The following HUWE1 variants were observed in gnomAD, a reference collection of about 807,000 sequenced individuals.
HUWE1 encodes the protein HECT, UBA and WWE domain containing E3 ubiquitin protein ligase 1.
In HUWE1, 18 loss-of-function variants were observed where a neutral mutation model predicts 299.4. That is an observed-to-expected ratio of 0.06 (90% CI 0.04 to 0.09). The LOEUF is 0.09. Among genes scored for constraint, HUWE1 ranks in the 10% least tolerant of loss-of-function variants. The probability of loss-of-function intolerance (pLI) is 1.00; values close to 1 mark genes in which losing one functional copy is unlikely to be tolerated. For synonymous variants in HUWE1, 1,317 were observed against 1,286.1 expected (o/e 1.02, Z -0.51); for missense variants, 1,832 against 3,462.3 (o/e 0.53, Z 11.82).
chrX:53,591,518 G>A (rs1556978995), intron 33 of HUWE1, among the ~76,000 whole-genome samples: 1 of 111,947 alleles, frequency 8.9e-6, no homozygotes, highest in African/African-American at 3.3e-5. Context: ...CTACTACCAG[G>A]CAATAATCAT....
chrX:53,566,129 G>A (rs868973033), intron 49 of HUWE1, among the ~76,000 whole-genome samples: 41 of 38,679 alleles, frequency 1.1e-3, no homozygotes, highest in African/African-American at 3.9e-3. Context: ...GTGTGTGTGT[G>A]TGTGTATATA....
chrX:53,680,258 C>CCATTCTATTATGTTCAAA (rs1485840066), intron 2 of HUWE1, 72 bp from the exon 3 acceptor site: 59 of 290,235 alleles, frequency 2.0e-4, no homozygotes, highest in Middle Eastern at 1.8e-3. Flanking sequence ...GGAGGGTTAA[C>CCATTCTATTATGTTCAAA]CATTCTATTA....
In HUWE1 at chrX:53,614,749, A is replaced by G; in HGVS notation, c.2050-4T>C. On this transcript the variant is annotated splice_polypyrimidine_tract_variant and splice_region_variant and intron_variant, in intron 22 of 83. Coordinates refer to ENST00000262854, the MANE Select transcript of HUWE1 (RefSeq NM_031407.7). ...GATTACAGATTTCTTCAAGTAACTG[A>G]AAGGCACAGGAAATAAGATTACTTA... 6.1e-6 allele frequency: 7 copies of G among 1,144,903 alleles called. No individual in the cohort carries two copies. The South Asian group carries it at 9.0e-5, about 15-fold the overall frequency. 94.4% of individuals were successfully genotyped at this position (1,144,903 alleles called of 1,213,427 possible). A position where few individuals can be genotyped will look rare whatever the true frequency, so the allele number is the denominator to read the frequency against.
chrX:53,546,989 T>C (rs1009643585), intron 68 of HUWE1, among the ~76,000 whole-genome samples, 164 bp from the exon 69 acceptor site: 2 of 112,154 alleles, frequency 1.8e-5, no homozygotes, highest in Admixed American at 1.9e-4. Flanking sequence ...CTTGGGATGA[T>C]AAAGGCTTTT....
At chrX:53,557,493 T>G (rs1277042793) in intron 59 of HUWE1, 66 bp from the exon 60 acceptor site, 9 of 884,313 alleles carry the variant, frequency 1.0e-5, no homozygotes, top group Non-Finnish European at 1.5e-5. Flanking sequence ...TCAACTGTAA[T>G]AGTCACCATC....
intron 29 of HUWE1, among the ~76,000 whole-genome samples, chrX:53,596,120 C>T (rs2064449699): frequency 9.0e-6 from 1 of 111,591 alleles, no homozygotes; most frequent in Admixed American, 9.5e-5. Flanking sequence ...TAAAAATAAA[C>T]GTTATTTCAC....
intron 2 of HUWE1, among the ~76,000 whole-genome samples, chrX:53,685,472 C>A (rs2070398359): frequency 8.9e-6 from 1 of 112,092 alleles, no homozygotes; most frequent in Non-Finnish European, 1.9e-5. Context: ...CTATTGCGAA[C>A]AGGTTTTTTA....
chrX:53,568,136 C>A (rs1327336841), intron 49 of HUWE1, among the ~76,000 whole-genome samples: 1 of 111,811 alleles, frequency 8.9e-6, no homozygotes. Context: ...AGATGTAATA[C>A]AAGTCCTTAA....
At chrX:53,590,566 G>T in intron 34 of HUWE1, 67 bp from the exon 35 acceptor site, 1 of 776,531 alleles carries the variant, frequency 1.3e-6, no homozygotes. Context: ...CAAGACCACT[G>T]CAACTCACAG....
intron 49 of HUWE1, among the ~76,000 whole-genome samples, chrX:53,566,137 A>G (rs12393436): frequency 0.05 from 2,363 of 46,847 alleles, 48 homozygotes; most frequent in Non-Finnish European, 0.081. Context: ...GTGTGTGTAT[A>G]TATATATATA....
In HUWE1 at chrX:53,554,887, G is replaced by A. The variant is rs1556932903; in HGVS notation, c.8240C>T (p.Thr2747Ile). 5 of 1,191,588 alleles carry A rather than the reference G, an allele frequency of 4.2e-6. No homozygotes were observed. Among genetic ancestry groups the A allele is most frequent in the Non-Finnish European group, 5.7e-6 (5 of 883,500 alleles). The change falls in exon 61 of 84, where the codon ACC becomes ATC. Residue 2747 changes from threonine (T) to isoleucine (I), a missense_variant. Around this residue, in one of 15 missense-constraint regions of HUWE1, gnomAD observed 143 missense variants for 148.1 expected, o/e 0.97. Coordinates refer to ENST00000262854, the MANE Select transcript of HUWE1 (RefSeq NM_031407.7). ...TGTAGCTGCATCAGTTGAAGATGGG[G>A]TTGTTGGGTAGCTGTCAGGCATAGG... The part of the protein sequence containing the change: ...GTPMPDSYPT[T>I]PSSTDAATSE...
At chrX:53,643,906 C>T (rs1346207264) in intron 7 of HUWE1, among the ~76,000 whole-genome samples, 1 of 111,659 alleles carries the variant, frequency 9.0e-6, no homozygotes, top group African/African-American at 3.3e-5. Context: ...TCATTGCAGC[C>T]TTCACCTCCC....
In HUWE1 at chrX:53,557,412, A is replaced by G; in HGVS notation, c.8176T>C (p.Ser2726Pro). 1 of 1,209,078 alleles carries G rather than the reference A, an allele frequency of 8.3e-7. No homozygotes were observed. Among genetic ancestry groups the G allele is most frequent in the Non-Finnish European group, 1.1e-6 (1 of 892,999 alleles). The change falls in exon 60 of 84, where the codon TCA becomes CCA. Residue 2726 changes from serine (S) to proline (P), a missense_variant. Around this residue, in one of 15 missense-constraint regions of HUWE1, gnomAD observed 143 missense variants for 148.1 expected, o/e 0.97. Coordinates refer to ENST00000262854, the MANE Select transcript of HUWE1 (RefSeq NM_031407.7). ...AGATTCTGTTCAGTGGAGTCATTTGACTTAGATGCAGTACACTGCAAAAAG... is the reference window on the plus strand; with the variant it reads ...AGATTCTGTTCAGTGGAGTCATTTGGCTTAGATGCAGTACACTGCAAAAAG... ...DQSAQCTASK[S>P]NDSTEQNLSD...
rs781880252 is a variant in HUWE1 at position 53,615,845 on chromosome X, A to G, written c.1958-10T>C. On this transcript the variant is annotated splice_polypyrimidine_tract_variant and intron_variant, in intron 21 of 83. Coordinates refer to ENST00000262854, the MANE Select transcript of HUWE1 (RefSeq NM_031407.7). ...TTGGATGCAGTATCCCCTTAAGGCA[A>G]AAAATGAACTGTTAGAATTAGAAAG... is the stretch of plus-strand genomic sequence containing the variant. The G allele has an allele frequency of 2.6e-6, 3 of 1,146,969 alleles. No homozygotes were observed. In the Admixed American group the frequency reaches 6.6e-5, roughly 25 times the overall value. 94.5% of individuals were successfully genotyped at this position (1,146,969 alleles called of 1,213,427 possible).
At chrX:53,558,839 G>A in intron 58 of HUWE1, 30 bp from the exon 59 acceptor site, 4 of 1,208,371 alleles carry the variant, frequency 3.3e-6, no homozygotes, top group Non-Finnish European at 4.5e-6. Flanking sequence ...ATCAAAGGCT[G>A]CTCTGGTGGG....
chrX:53,597,212 A>G (rs1486798884), intron 29 of HUWE1, among the ~76,000 whole-genome samples: 2 of 111,128 alleles, frequency 1.8e-5, no homozygotes, highest in Non-Finnish European at 3.8e-5. Flanking sequence ...TAGGAGAAGC[A>G]GCTTCTGACA....
intron 23 of HUWE1, among the ~76,000 whole-genome samples, chrX:53,613,433 A>G (rs2065613738): frequency 8.9e-6 from 1 of 111,840 alleles, no homozygotes; most frequent in Non-Finnish European, 1.9e-5. Flanking sequence ...TAAAATGCTC[A>G]AGCTTTTCTC....
chrX:53,657,242 AATG>A (rs1557043382), intron 3 of HUWE1, among the ~76,000 whole-genome samples: 1 of 112,497 alleles, frequency 8.9e-6, no homozygotes, highest in African/African-American at 3.2e-5. Context: ...CTAATATCTT[AATG>A]GTCAGGAACT....
chrX:53,594,513 G>A lies in HUWE1; in HGVS notation c.3489C>T (p.His1163=). The change falls in exon 31 of 84, where the codon CAC becomes CAT. Residue 1163 remains histidine, a synonymous_variant. Transcript: ENST00000262854. ...MLQKFLCSGG[H]NALFETFNWA... is the part of the protein sequence containing the mutation. ...TTGATCCTTACTCAAAAAGAGCATT[G>A]TGGCCTCCGGAGCAGAGAAATTTTT... 1 of 1,210,154 alleles carries A rather than the reference G, an allele frequency of 8.3e-7. No individual in the cohort carries two copies. The highest frequency in any genetic ancestry group is 1.7e-5 in the African/African-American group (1 of 57,812).
Sources: allele counts gnomAD v4.1 joint callset (sites outside exome capture counted in the v4.1 genomes callset), GRCh38; gene constraint gnomAD v4.1.1; regional missense constraint gnomAD v4.1.1; transcripts MANE v1.5; gene names NCBI Gene and HGNC (gene_info 2026-07-23, HGNC 2026-07-21).